The following VWA8 variants were observed in gnomAD, a reference collection of about 807,000 sequenced individuals.
VWA8 encodes the protein von Willebrand factor A domain containing 8.
A neutral mutation model predicts 241.5 loss-of-function variants in VWA8; 221 were observed. The ratio of observed to expected loss-of-function variants is 0.91; its 90% CI spans 0.82 to 1.02. The LOEUF (loss-of-function observed/expected upper bound fraction) is 1.02, where lower values mean the gene tolerates loss of function less well. VWA8 is among the 50% of genes least tolerant of loss of function. The pLI, the probability that VWA8 is intolerant of heterozygous loss-of-function variation, is 0.00. For synonymous variants in VWA8, 852 were observed against 827.1 expected (o/e 1.03, Z -0.52); for missense variants, 2,322 against 2,328.7 (o/e 1.00, Z 0.06).
chr13:41,583,652 A>AAC (rs1555304927), intron 42 of VWA8, among the ~76,000 whole-genome samples: 26 of 148,188 alleles, frequency 1.8e-4, no homozygotes, highest in Non-Finnish European at 2.7e-4. Context: ...CAAAAAAAAA[A>AAC]AAAAAAAAAA....
intron 15 of VWA8, among the ~76,000 whole-genome samples, chr13:41,818,179 T>C (rs571173866): frequency 6.7e-6 from 1 of 149,322 alleles, no homozygotes; most frequent in African/African-American, 2.4e-5. Flanking sequence ...GCCAGCCTGG[T>C]CTCGAACTCC....
intron 9 of VWA8, among the ~76,000 whole-genome samples, chr13:41,875,514 G>A (rs141950478): frequency 4.0e-5 from 6 of 151,874 alleles, no homozygotes; most frequent in African/African-American, 1.5e-4. Flanking sequence ...AATCACTGGG[G>A]GTTCAGCTTC....
At chr13:41,574,395 A>G (rs1037885459) in intron 43 of VWA8, among the ~76,000 whole-genome samples, 3 of 151,588 alleles carry the variant, frequency 2.0e-5, no homozygotes, top group African/African-American at 7.3e-5. Context: ...AAGGAAAACT[A>G]CAAAACACTG....
intron 24 of VWA8, among the ~76,000 whole-genome samples, chr13:41,724,635 CG>C (rs1250667269): frequency 6.6e-6 from 1 of 152,054 alleles, no homozygotes; most frequent in Non-Finnish European, 1.5e-5. Flanking sequence ...TAATTGCTTT[CG>C]TTTTTCTCAG....
chr13:41,636,695 C>G (rs972889332), intron 37 of VWA8, among the ~76,000 whole-genome samples: 6 of 150,538 alleles, frequency 4.0e-5, no homozygotes, highest in African/African-American at 1.5e-4. Context: ...TATCCAGAAT[C>G]TACAATGAAC....
intron 40 of VWA8, among the ~76,000 whole-genome samples, chr13:41,594,873 C>T (rs2044478364): frequency 6.6e-6 from 1 of 152,208 alleles, no homozygotes; most frequent in African/African-American, 2.4e-5. Flanking sequence ...AATGACTACA[C>T]TTCCAATAAG....
intron 15 of VWA8, among the ~76,000 whole-genome samples, 185 bp from the exon 16 acceptor site, chr13:41,816,960 A>T (rs1389228300): frequency 6.6e-6 from 1 of 152,140 alleles, no homozygotes; most frequent in Non-Finnish European, 1.5e-5. Flanking sequence ...AAACACTGAA[A>T]CCCCTGCTTT....
intron 14 of VWA8, among the ~76,000 whole-genome samples, chr13:41,822,930 C>T (rs1871023343): frequency 6.6e-6 from 1 of 152,032 alleles, no homozygotes; most frequent in Non-Finnish European, 1.5e-5. Flanking sequence ...AGAAGCAGAA[C>T]CCTGGGGATG....
At chr13:41,801,344 C>T (rs921747054) in intron 17 of VWA8, among the ~76,000 whole-genome samples, 1 of 152,040 alleles carries the variant, frequency 6.6e-6, no homozygotes, top group African/African-American at 2.4e-5. Context: ...TAGCTGGATA[C>T]ACACAAGAAC....
chr13:41,691,579 T>C (rs2045178012), intron 31 of VWA8, 134 bp from the exon 32 acceptor site: 2 of 1,258,828 alleles, frequency 1.6e-6, no homozygotes, highest in South Asian at 3.6e-5. Context: ...TATAGAAAAA[T>C]GTTAATTAAA....
chr13:41,904,522 A>AT (rs574630983), intron 4 of VWA8, among the ~76,000 whole-genome samples: 206 of 152,144 alleles, frequency 1.4e-3, no homozygotes, highest in Non-Finnish European at 2.1e-3. Flanking sequence ...AAAGAGGCAA[A>AT]TTTTTTTAAA....
At chr13:41,609,210 A>G (rs1275519622) in intron 39 of VWA8, among the ~76,000 whole-genome samples, 1 of 152,160 alleles carries the variant, frequency 6.6e-6, no homozygotes. Context: ...AAATCACATA[A>G]CGGGAAAGAG....
At chr13:41,582,939 A>G (rs2044393007) in intron 42 of VWA8, among the ~76,000 whole-genome samples, 1 of 152,104 alleles carries the variant, frequency 6.6e-6, no homozygotes, top group Non-Finnish European at 1.5e-5. Flanking sequence ...AATCACCTAT[A>G]TACCCCCAAA....
At chr13:41,795,118 C>T (rs1869632145) in intron 17 of VWA8, among the ~76,000 whole-genome samples, 1 of 151,764 alleles carries the variant, frequency 6.6e-6, no homozygotes, top group Admixed American at 6.6e-5. Context: ...AAAAACCCAC[C>T]CCATTAAAAA....
rs192546060 is a variant in VWA8, at chr13:41,784,715, T to C, written c.2171-814A>G. Among the ~76,000 whole-genome samples the C allele has an allele frequency of 2.5e-3, 157 of 62,840 alleles. 3 individuals carry two copies. The highest frequency in any genetic ancestry group is 0.012 in the East Asian group (23 of 1,892). The allele number at this position is 62,840 out of a possible 152,430, so 41.2% of individuals were successfully genotyped here. A position where few individuals can be genotyped will look rare whatever the true frequency, so the allele number is the denominator to read the frequency against. The stretch of plus-strand genomic sequence containing the variant: ...ACATATACATATATATATATATATA[T>C]ATATATATATATATACACACACATA... On this transcript the variant is annotated intron_variant, in intron 18 of 44. Coordinates refer to ENST00000379310, the MANE Select transcript of VWA8 (RefSeq NM_015058.2).
At chr13:41,670,901 A>G (rs2045017565) in intron 37 of VWA8, 45 bp downstream of exon 37, 1 of 1,601,376 alleles carries the variant, frequency 6.2e-7, no homozygotes, top group South Asian at 1.1e-5. Context: ...CTAAATTTAT[A>G]CTTGAATGTG....
At chr13:41,913,281 C>G (rs548508053) in intron 2 of VWA8, among the ~76,000 whole-genome samples, 53 of 152,154 alleles carry the variant, frequency 3.5e-4, no homozygotes, top group African/African-American at 1.3e-3. Flanking sequence ...AACTGGATAC[C>G]TGGGGGTAAG....
Position 41,931,267 on chromosome 13 carries a change from C to T in VWA8, c.241+18669G>A, listed in dbSNP as rs1325336097. 2.4e-5 allele frequency among the ~76,000 whole-genome samples: 3 copies of T among 125,422 alleles called. No homozygotes were observed. In the East Asian group the frequency reaches 7.1e-4, roughly 30 times the overall value. 82.3% of individuals were successfully genotyped at this position (125,422 alleles called of 152,430 possible). A position where few individuals can be genotyped will look rare whatever the true frequency, so the allele number is the denominator to read the frequency against. ...GGACATTATGCTAAGAGAAATAAAC[C>T]AGACCCAGGGTTAAAAAAAAAAAAA... On this transcript the variant is annotated intron_variant, in intron 2 of 44. Coordinates refer to ENST00000379310, the MANE Select transcript of VWA8 (RefSeq NM_015058.2).
At chr13:41,814,658 T>C (rs150193703) in intron 16 of VWA8, among the ~76,000 whole-genome samples, 3 of 152,242 alleles carry the variant, frequency 2.0e-5, no homozygotes, top group African/African-American at 7.2e-5. Flanking sequence ...AGGAAATGGA[T>C]TTGGGAAAGA....
Sources: gnomAD v4.1 joint callset for allele counts (sites outside exome capture counted in the v4.1 genomes callset) on GRCh38, gnomAD v4.1.1 for gene constraint, MANE v1.5 for transcripts, NCBI Gene and HGNC (gene_info 2026-07-23, HGNC 2026-07-21) for gene names.